WDR25: variants seen among roughly 807,000 people sequenced by gnomAD.
WDR25 encodes the protein WD repeat domain 25, also known as WD repeat-containing protein 25.
Under a neutral mutation model 47.7 loss-of-function variants are expected in WDR25, and 35 were observed. That is an observed-to-expected ratio of 0.73 (90% CI 0.56 to 0.97). The LOEUF (loss-of-function observed/expected upper bound fraction) is 0.97. Ranked by LOEUF, WDR25 falls within the 50% of genes least tolerant of loss-of-function variation. The probability of loss-of-function intolerance (pLI) is 0.00; values close to 1 mark genes in which losing one functional copy is unlikely to be tolerated. For missense variants in WDR25, 634 were observed against 704.7 expected (o/e 0.90, Z 1.14); for synonymous variants, 248 against 278.9 (o/e 0.89, Z 1.10).
At chr14:100,414,634 G>A (rs1035467787) in intron 2 of WDR25, among the ~76,000 whole-genome samples, 2 of 152,146 alleles carry the variant, frequency 1.3e-5, no homozygotes, top group Non-Finnish European at 2.9e-5. Context: ...GTTCTTAAAT[G>A]AATGTTGGTG....
At chr14:100,483,746 C>A (rs546797036) in intron 3 of WDR25, among the ~76,000 whole-genome samples, 1 of 152,232 alleles carries the variant, frequency 6.6e-6, no homozygotes, top group Admixed American at 6.5e-5. Flanking sequence ...ATCAATCCAC[C>A]CATCTAAGCT....
At chr14:100,511,582 C>T (rs2140364340) in intron 4 of WDR25, among the ~76,000 whole-genome samples, 1 of 152,072 alleles carries the variant, frequency 6.6e-6, no homozygotes, top group South Asian at 2.1e-4. Flanking sequence ...CTCCTTTTCT[C>T]CTTCCCTTCC....
chr14:100,472,406 C>T (rs576866945), intron 3 of WDR25, among the ~76,000 whole-genome samples: 1 of 152,374 alleles, frequency 6.6e-6, no homozygotes, highest in Admixed American at 6.5e-5. Context: ...GGCCTCTTCA[C>T]CTGTTTCTAC....
intron 2 of WDR25, among the ~76,000 whole-genome samples, chr14:100,460,401 C>T (rs551739947): frequency 6.6e-6 from 1 of 152,138 alleles, no homozygotes; most frequent in East Asian, 1.9e-4. Flanking sequence ...TGTGAGCCAC[C>T]GCACCCGGCT....
chr14:100,529,920 C>A lies in WDR25; in HGVS notation c.1514C>A (p.Ala505Asp). The A allele has an allele frequency of 6.2e-7, 1 of 1,613,466 alleles. No homozygotes were observed. The highest frequency in any genetic ancestry group is 1.7e-5 in the Admixed American group (1 of 60,030). ...GRVLMYSFRT[A>D]SRACTLQGHT... The stretch of plus-strand genomic sequence containing the variant: ...GTCCTGATGTACAGCTTCCGCACAG[C>A]CAGCCGAGCATGCACACTGCAGGGG... The change falls in exon 7 of 7, where the codon GCC becomes GAC. Residue 505 changes from alanine (A) to aspartate (D), a missense_variant. Ala to Asp is a moderately radical substitution (Grantham distance 126). Transcript: ENST00000402312. The surrounding 1 kb of genome is among the most constrained non-coding windows in gnomAD (Gnocchi z 5.1).
At chr14:100,386,339 T>C (rs979435082) in intron 2 of WDR25, among the ~76,000 whole-genome samples, 79 of 152,218 alleles carry the variant, frequency 5.2e-4, no homozygotes, top group Admixed American at 5.2e-3. Flanking sequence ...GTTTACATAA[T>C]TGGGCTTATT....
At chr14:100,448,117 C>T (rs1898897128) in intron 2 of WDR25, among the ~76,000 whole-genome samples, 2 of 150,144 alleles carry the variant, frequency 1.3e-5, no homozygotes, top group Non-Finnish European at 2.9e-5. Flanking sequence ...ATCACTTGAA[C>T]CAGGGAGGTG....
intron 2 of WDR25, among the ~76,000 whole-genome samples, chr14:100,451,029 G>C (rs948474330): frequency 2.0e-5 from 3 of 152,182 alleles, no homozygotes; most frequent in Non-Finnish European, 2.9e-5. Context: ...GGAGGGAGCT[G>C]GGAGACTAGA....
chr14:100,512,269 C>A lies in WDR25; in HGVS notation c.1102-13601C>A, dbSNP rs139548932. Among the ~76,000 whole-genome samples the A allele has an allele frequency of 9.6e-3, 1,465 of 152,222 alleles. 19 individuals carry two copies. Among genetic ancestry groups the A allele is most frequent in the African/African-American group, 0.033 (1,376 of 41,548 alleles). On this transcript the variant is annotated intron_variant, in intron 4 of 6. Transcript: ENST00000402312. ...GAAGATTTGAAATTTTAAATAAAAT[C>A]TACTTAGTAAATATAGGGCTATTCT...
intron 5 of WDR25, 81 bp downstream of exon 5, chr14:100,526,121 G>T (rs2140393044): frequency 6.6e-7 from 1 of 1,507,160 alleles, no homozygotes; most frequent in Non-Finnish European, 9.0e-7. Flanking sequence ...GAGGTCCCAG[G>T]TCCCTTCTGT....
At chr14:100,511,525 CCTCT>C (rs1354220833) in intron 4 of WDR25, among the ~76,000 whole-genome samples, 3 of 151,290 alleles carry the variant, frequency 2.0e-5, no homozygotes, top group Non-Finnish European at 4.4e-5. Flanking sequence ...CTATCTCTAT[CCTCT>C]CTCTCTCTCA....
intron 1 of WDR25, among the ~76,000 whole-genome samples, chr14:100,379,344 G>A (rs1428885291): frequency 1.3e-5 from 2 of 150,588 alleles, no homozygotes; most frequent in East Asian, 3.9e-4. Flanking sequence ...TTAAAGTCCT[G>A]TCTCTTTCTC....
intron 4 of WDR25, among the ~76,000 whole-genome samples, chr14:100,490,284 T>C (rs1038218291): frequency 6.6e-6 from 1 of 152,118 alleles, no homozygotes; most frequent in Non-Finnish European, 1.5e-5. Context: ...AAGCACATAG[T>C]AGGGAGGGAG....
At position 100,381,186 on chromosome 14, in the gene WDR25, T is replaced by C. The variant is rs2181170; in HGVS notation, c.262T>C (p.Trp88Arg). The change falls in exon 2 of 7, where the codon TGG (tryptophan) becomes CGG (arginine). Residue 88 changes from tryptophan to arginine, a missense_variant. By Grantham distance (101) the Trp-to-Arg change is moderately radical. Transcript: ENST00000402312. The stretch of plus-strand genomic sequence containing the variant: ...ATTGGCTCAGCTTGGGAGAAGCGAT[T>C]GGGGATCTTGCCCCAGCCAGAGGCT... ...LPLAQLGRSD[W>R]GSCPSQRLQW... 1,613,735 of 1,614,172 alleles carry C rather than the reference T, an allele frequency of 1. 806,649 individuals are homozygous for C. The highest frequency in any genetic ancestry group is 1 in the Middle Eastern group (6,062 of 6,062).
chr14:100,487,960 G>A (rs138897261), intron 4 of WDR25, among the ~76,000 whole-genome samples: 233 of 152,328 alleles, frequency 1.5e-3, no homozygotes, highest in African/African-American at 5.4e-3. Context: ...TTAGGGCACA[G>A]TGAGTAGTTG....
At chr14:100,495,847 C>T (rs1278519326) in intron 4 of WDR25, among the ~76,000 whole-genome samples, 2 of 152,214 alleles carry the variant, frequency 1.3e-5, no homozygotes, top group Non-Finnish European at 2.9e-5. Context: ...TATGGATATA[C>T]ACATTTTGTT....
chr14:100,418,496 G>T (rs984998474), intron 2 of WDR25, among the ~76,000 whole-genome samples: 2 of 151,932 alleles, frequency 1.3e-5, no homozygotes, highest in Non-Finnish European at 2.9e-5. Flanking sequence ...GCTGGGCGTG[G>T]TGGTGCACAC....
At chr14:100,446,227 T>C (rs1439920296) in intron 2 of WDR25, among the ~76,000 whole-genome samples, 2 of 152,162 alleles carry the variant, frequency 1.3e-5, no homozygotes, top group African/African-American at 4.8e-5. Flanking sequence ...CACAGAGCCA[T>C]GACAAGTAGC....
At chr14:100,448,304 A>C (rs1243515700) in intron 2 of WDR25, among the ~76,000 whole-genome samples, 2 of 152,184 alleles carry the variant, frequency 1.3e-5, no homozygotes, top group Admixed American at 6.5e-5. Context: ...CAATGTCTGC[A>C]TAGAAAAATA....
Sources: allele counts gnomAD v4.1 joint callset (sites outside exome capture counted in the v4.1 genomes callset), GRCh38; gene constraint gnomAD v4.1.1; non-coding constraint Gnocchi (gnomAD v3.1); transcripts MANE v1.5; gene names NCBI Gene and HGNC (gene_info 2026-07-23, HGNC 2026-07-21).